Variants in BMPR1B observed in about 807,000 individuals in gnomAD.
BMPR1B encodes the protein bone morphogenetic protein receptor type-1B.
A neutral mutation model predicts 59.1 loss-of-function variants in BMPR1B; 12 were observed. The ratio of observed to expected loss-of-function variants is 0.20; its 90% CI spans 0.13 to 0.33. The LOEUF (loss-of-function observed/expected upper bound fraction) is 0.33, where lower values mean the gene tolerates loss of function less well. Among genes scored for constraint, BMPR1B ranks in the 10% least tolerant of loss-of-function variants. The pLI, the probability that BMPR1B is intolerant of heterozygous loss-of-function variation, is 1.00. For synonymous variants in BMPR1B, 237 were observed against 207.3 expected (o/e 1.14, Z -1.23); for missense variants, 550 against 610.9 (o/e 0.90, Z 1.05).
chr4:95,057,304 G>T lies in BMPR1B; in HGVS notation c.-17-47104G>T, dbSNP rs536369036. The stretch of plus-strand genomic sequence containing the variant: ...TCTGTCACCAGGCTGGAGTGCAGTG[G>T]TGTGATCTTGGCTCACTGCAACCTC... On this transcript the variant is annotated intron_variant, in intron 3 of 12. Transcript: ENST00000515059. 2.0e-5 allele frequency among the ~76,000 whole-genome samples: 3 copies of T among 152,152 alleles called. No homozygotes were observed. The East Asian group carries it at 5.8e-4, about 30-fold the overall frequency.
chr4:95,020,501 C>T (rs1578939669), intron 3 of BMPR1B, among the ~76,000 whole-genome samples: 1 of 150,838 alleles, frequency 6.6e-6, no homozygotes, highest in African/African-American at 2.4e-5. Flanking sequence ...ATTGCTTGAA[C>T]CCGGGAGGCA....
intron 3 of BMPR1B, among the ~76,000 whole-genome samples, chr4:95,018,934 A>C (rs1213289379): frequency 6.6e-6 from 1 of 152,184 alleles, no homozygotes; most frequent in Non-Finnish European, 1.5e-5. Flanking sequence ...AGGTGGCGCC[A>C]ATCTATTTTG....
chr4:95,125,062 C>G lies in BMPR1B; in HGVS notation c.526C>G (p.Leu176Val), dbSNP rs1337920731. The change falls in exon 8 of 13, where the codon CTG becomes GTG. Residue 176 changes from leucine (L) to valine (V), a missense_variant. Coordinates refer to ENST00000515059, the MANE Select transcript of BMPR1B (RefSeq NM_001203.3). Reference sequence around the variant, plus strand: ...AACTTACATTCCTCCTGGAGAATCCCTGAGAGACTTAATTGAGCAGTCTCA... The same window carrying G: ...AACTTACATTCCTCCTGGAGAATCCGTGAGAGACTTAATTGAGCAGTCTCA... ...DETYIPPGES[L>V]RDLIEQSQSS... 1 of 1,613,642 alleles carries G rather than the reference C, an allele frequency of 6.2e-7. No individual in the cohort carries two copies. The highest frequency in any genetic ancestry group is 1.3e-5 in the African/African-American group (1 of 74,886).
chr4:94,998,934 C>G (rs6843668), intron 3 of BMPR1B, among the ~76,000 whole-genome samples: 8 of 152,280 alleles, frequency 5.3e-5, no homozygotes, highest in Admixed American at 3.9e-4. Flanking sequence ...TTCAACATCT[C>G]CTATTTCTCA....
At chr4:94,991,298 C>G (rs1390777141) in intron 2 of BMPR1B, among the ~76,000 whole-genome samples, 1 of 152,106 alleles carries the variant, frequency 6.6e-6, no homozygotes, top group Non-Finnish European at 1.5e-5. Context: ...GATCTCATGA[C>G]CTTGGGAGCC....
Position 95,155,407 on chromosome 4 carries a change from A to G in BMPR1B, c.*734A>G, listed in dbSNP as rs1735344350. The stretch of plus-strand genomic sequence containing the variant: ...TTGTTGATAGGTGTTCTTCAGATCC[A>G]CTTCTGTTTCTGATTGAGTTAGGCA... On this transcript the variant is annotated 3_prime_UTR_variant, in exon 13 of 13. Coordinates refer to ENST00000515059, the MANE Select transcript of BMPR1B (RefSeq NM_001203.3). 1 of 144,368 alleles carries G rather than the reference A, an allele frequency of 6.9e-6. No homozygotes were observed. Among genetic ancestry groups the G allele is most frequent in the East Asian group, 2.1e-4 (1 of 4,710 alleles). 8.9% of individuals were successfully genotyped at this position (144,368 alleles called of 1,614,324 possible).
chr4:94,855,806 T>C (rs891189732), intron 1 of BMPR1B, among the ~76,000 whole-genome samples: 5 of 152,252 alleles, frequency 3.3e-5, no homozygotes, highest in Non-Finnish European at 7.3e-5. Context: ...ATCAAATTCT[T>C]GTGCTTGGAA....
chr4:94,776,861 A>G (rs1045262248), intron 1 of BMPR1B, among the ~76,000 whole-genome samples: 1 of 152,168 alleles, frequency 6.6e-6, no homozygotes, highest in African/African-American at 2.4e-5. Context: ...TGCACCACTT[A>G]GAGCCTGTTA....
At chr4:94,923,871 A>C (rs1173903650) in intron 2 of BMPR1B, among the ~76,000 whole-genome samples, 1 of 152,100 alleles carries the variant, frequency 6.6e-6, no homozygotes, top group Non-Finnish European at 1.5e-5. Context: ...GATTTCCGGA[A>C]AGGTCCTGCT....
At chr4:94,983,621 C>T (rs1451129957) in intron 2 of BMPR1B, among the ~76,000 whole-genome samples, 1 of 152,146 alleles carries the variant, frequency 6.6e-6, no homozygotes, top group Non-Finnish European at 1.5e-5. Context: ...CCTGTTACCA[C>T]CACTTAAGGC....
At chr4:95,085,938 A>G (rs1305852311) in intron 3 of BMPR1B, among the ~76,000 whole-genome samples, 1 of 152,072 alleles carries the variant, frequency 6.6e-6, no homozygotes, top group Non-Finnish European at 1.5e-5. Flanking sequence ...TTTTGTGGGA[A>G]TAATTTGTTA....
At chr4:94,975,177 A>G (rs1216450771) in intron 2 of BMPR1B, among the ~76,000 whole-genome samples, 1 of 152,092 alleles carries the variant, frequency 6.6e-6, no homozygotes, top group African/African-American at 2.4e-5. Flanking sequence ...GTCCTCAGCC[A>G]GAATATAGAT....
intron 2 of BMPR1B, among the ~76,000 whole-genome samples, chr4:94,920,196 A>T (rs1002171656): frequency 6.6e-6 from 1 of 152,208 alleles, no homozygotes; most frequent in Non-Finnish European, 1.5e-5. Flanking sequence ...AATTCTTTTA[A>T]ATTAAAACTA....
intron 1 of BMPR1B, among the ~76,000 whole-genome samples, chr4:94,842,816 TA>T (rs1208976113): frequency 3.3e-5 from 5 of 152,240 alleles, no homozygotes; most frequent in Admixed American, 1.3e-4. Context: ...AGAAAACAAA[TA>T]TATTTATCTT....
chr4:94,775,442 C>G (rs4425388), intron 1 of BMPR1B, among the ~76,000 whole-genome samples: 84,404 of 152,256 alleles, frequency 0.55, 23,656 homozygotes, highest in Middle Eastern at 0.71. Flanking sequence ...ATTTCAAAAA[C>G]GAAGCTCTTT....
intron 3 of BMPR1B, among the ~76,000 whole-genome samples, chr4:95,008,457 A>G (rs1578918484): frequency 1.3e-5 from 2 of 152,254 alleles, no homozygotes; most frequent in South Asian, 2.1e-4. Flanking sequence ...TGCCACTACT[A>G]CAGGGGGTTA....
At chr4:94,938,004 T>C (rs1463445861) in intron 2 of BMPR1B, among the ~76,000 whole-genome samples, 1 of 152,226 alleles carries the variant, frequency 6.6e-6, no homozygotes, top group East Asian at 1.9e-4. Flanking sequence ...CATTTTAATT[T>C]GTAAAGCACC....
intron 2 of BMPR1B, among the ~76,000 whole-genome samples, chr4:94,981,880 A>G (rs764432407): frequency 4.6e-5 from 7 of 152,220 alleles, no homozygotes; most frequent in Non-Finnish European, 8.8e-5. Flanking sequence ...ATACAGCTGT[A>G]GCTGGTGAAC....
intron 4 of BMPR1B, among the ~76,000 whole-genome samples, chr4:95,109,945 G>A (rs977119730): frequency 6.9e-6 from 1 of 144,320 alleles, no homozygotes; most frequent in Non-Finnish European, 1.5e-5. Context: ...CCACCTATGA[G>A]TGAGAACATT....
Sources: gnomAD v4.1 joint callset for allele counts (sites outside exome capture counted in the v4.1 genomes callset) on GRCh38, gnomAD v4.1.1 for gene constraint, MANE v1.5 for transcripts, NCBI Gene and HGNC (gene_info 2026-07-23, HGNC 2026-07-21) for gene names.